Variants in SCFD2 observed in about 807,000 individuals in gnomAD.
SCFD2 encodes sec1 family domain-containing protein 2.
A neutral mutation model predicts 58.9 loss-of-function variants in SCFD2; 54 were observed. The ratio of observed to expected loss-of-function variants is 0.92; its 90% CI spans 0.74 to 1.15. The LOEUF is 1.15. Among genes scored for constraint, SCFD2 ranks in the 50% most tolerant of loss-of-function variants. SCFD2 has a pLI of 0.00. For missense variants in SCFD2, 805 were observed against 836.6 expected, an observed-to-expected ratio of 0.96 and a Z score of 0.47; for synonymous variants, 321 against 335.9, an observed-to-expected ratio of 0.96 and a Z score of 0.49.
At chr4:53,356,161 C>T (rs1472671629) in intron 1 of SCFD2, among the ~76,000 whole-genome samples, 1 of 152,180 alleles carries the variant, frequency 6.6e-6, no homozygotes, top group East Asian at 1.9e-4. Context: ...CCCATTTCCT[C>T]ACTACATGGG....
intron 5 of SCFD2, among the ~76,000 whole-genome samples, chr4:52,926,597 C>A (rs1719869168): frequency 1.3e-5 from 2 of 152,116 alleles, no homozygotes; most frequent in African/African-American, 4.8e-5. Context: ...AAGCTAGGGT[C>A]AAAAAATATA....
intron 5 of SCFD2, among the ~76,000 whole-genome samples, chr4:53,097,231 G>GC (rs1051319187): frequency 3.0e-4 from 46 of 152,152 alleles, no homozygotes; most frequent in African/African-American, 1.1e-3. Flanking sequence ...CTTTAAAGTT[G>GC]TTTTTTCCAA....
intron 4 of SCFD2, among the ~76,000 whole-genome samples, chr4:53,259,807 C>G (rs947526749): frequency 6.6e-6 from 1 of 152,084 alleles, no homozygotes; most frequent in Non-Finnish European, 1.5e-5. Flanking sequence ...CTGCTTTTGG[C>G]AGTATGGTCA....
intron 4 of SCFD2, among the ~76,000 whole-genome samples, chr4:53,161,260 G>C (rs1353490204): frequency 6.6e-6 from 1 of 152,114 alleles, no homozygotes; most frequent in African/African-American, 2.4e-5. Context: ...AAAATTCATT[G>C]AGCTGTACTT....
At chr4:53,333,546 T>C (rs1316451181) in intron 2 of SCFD2, among the ~76,000 whole-genome samples, 7 of 151,516 alleles carry the variant, frequency 4.6e-5, no homozygotes, top group Non-Finnish European at 1.0e-4. Context: ...TGGCTAGCCA[T>C]ATGTAGAAAG....
chr4:53,247,504 G>A (rs1730128830), intron 4 of SCFD2, among the ~76,000 whole-genome samples: 1 of 152,102 alleles, frequency 6.6e-6, no homozygotes, highest in Non-Finnish European at 1.5e-5. Context: ...GCCCATCAAT[G>A]AAAGACTGGA....
intron 5 of SCFD2, among the ~76,000 whole-genome samples, chr4:52,946,335 T>G (rs902283915): frequency 3.3e-5 from 5 of 152,168 alleles, no homozygotes; most frequent in Admixed American, 6.5e-5. Context: ...GATTCTAAAA[T>G]TTTCCATTTA....
intron 7 of SCFD2, among the ~76,000 whole-genome samples, chr4:52,896,641 T>C (rs1162488211): frequency 6.6e-6 from 1 of 152,242 alleles, no homozygotes; most frequent in Non-Finnish European, 1.5e-5. Context: ...CTTGGCGATG[T>C]GGGCTCTTTT....
chr4:53,105,108 A>C (rs1326664347), intron 5 of SCFD2, among the ~76,000 whole-genome samples: 4 of 152,130 alleles, frequency 2.6e-5, no homozygotes, highest in African/African-American at 9.6e-5. Context: ...TCCTCTAGCC[A>C]AGGAAGCCAT....
intron 2 of SCFD2, among the ~76,000 whole-genome samples, chr4:53,326,133 ATTTAT>A (rs201498742): frequency 6.3e-4 from 96 of 151,708 alleles, no homozygotes; most frequent in African/African-American, 1.8e-3. Context: ...TTAAAATTTT[ATTTAT>A]TTTATTTTAT....
At chr4:53,341,916 T>C (rs1311683217) in intron 2 of SCFD2, among the ~76,000 whole-genome samples, 2 of 152,188 alleles carry the variant, frequency 1.3e-5, no homozygotes, top group Non-Finnish European at 2.9e-5. Context: ...CTGAGAGATT[T>C]TGTCACCACC....
intron 4 of SCFD2, among the ~76,000 whole-genome samples, chr4:53,186,780 G>A (rs977530338): frequency 3.9e-5 from 6 of 151,958 alleles, no homozygotes; most frequent in African/African-American, 1.4e-4. Context: ...GTTCAAGGGA[G>A]CCAGCTCTGA....
chr4:53,009,040 T>C (rs1175231951), intron 5 of SCFD2, among the ~76,000 whole-genome samples: 1 of 152,190 alleles, frequency 6.6e-6, no homozygotes, highest in Non-Finnish European at 1.5e-5. Context: ...ATGGCTTTCC[T>C]TTGGATGGTC....
chr4:52,897,016 G>A (rs1178128419), intron 7 of SCFD2, among the ~76,000 whole-genome samples: 1 of 152,196 alleles, frequency 6.6e-6, no homozygotes, highest in African/African-American at 2.4e-5. Flanking sequence ...TGTATCCTGA[G>A]ACTTTGCTGA....
intron 4 of SCFD2, among the ~76,000 whole-genome samples, chr4:53,233,090 C>T (rs1729488931): frequency 6.6e-6 from 1 of 152,112 alleles, no homozygotes; most frequent in Non-Finnish European, 1.5e-5. Context: ...CACCTTTAGG[C>T]ACATTAGACC....
At chr4:52,928,757 G>A (rs1323527846) in intron 5 of SCFD2, among the ~76,000 whole-genome samples, 4 of 152,112 alleles carry the variant, frequency 2.6e-5, no homozygotes, top group African/African-American at 7.3e-5. Flanking sequence ...GAGAGGAGGC[G>A]TGAGGACATG....
At chr4:53,029,816 GA>G (rs564507320) in intron 5 of SCFD2, among the ~76,000 whole-genome samples, 81 of 152,212 alleles carry the variant, frequency 5.3e-4, no homozygotes, top group Non-Finnish European at 8.7e-4. Context: ...TACCTTATAG[GA>G]AAATTAATTC....
intron 7 of SCFD2, among the ~76,000 whole-genome samples, chr4:52,888,057 C>T (rs1032652445): frequency 2.0e-5 from 3 of 151,480 alleles, no homozygotes; most frequent in Non-Finnish European, 2.9e-5. Flanking sequence ...ACTACAGGCG[C>T]CCGCCACCGC....
chr4:53,042,919 G>A (rs1469174508), intron 5 of SCFD2, among the ~76,000 whole-genome samples: 3 of 152,040 alleles, frequency 2.0e-5, no homozygotes, highest in Non-Finnish European at 4.4e-5. Context: ...TTCACAGCCG[G>A]AGGTATTAGG....
Sources: allele counts gnomAD v4.1 joint callset (sites outside exome capture counted in the v4.1 genomes callset), GRCh38; gene constraint gnomAD v4.1.1; transcripts MANE v1.5; gene names NCBI Gene and HGNC (gene_info 2026-07-23, HGNC 2026-07-21).